The following DCC variants were observed in gnomAD, a reference collection of about 807,000 sequenced individuals.
The protein encoded by DCC is netrin receptor DCC.
Under a neutral mutation model 172.5 loss-of-function variants are expected in DCC, and 58 were observed. That is an observed-to-expected ratio of 0.34 (90% CI 0.27 to 0.42). The LOEUF is 0.42. DCC is among the 10% of genes least tolerant of loss of function. DCC has a pLI of 1.00. For synonymous variants in DCC, 709 were observed against 644.5 expected (o/e 1.10, Z -1.52); for missense variants, 1,740 against 1,791.0 (o/e 0.97, Z 0.51).
At chr18:52,442,347 C>T (rs982901905) in intron 1 of DCC, among the ~76,000 whole-genome samples, 5 of 152,178 alleles carry the variant, frequency 3.3e-5, no homozygotes, top group African/African-American at 1.2e-4. Context: ...AGACTGAGCA[C>T]TTGTGTCAAT....
At chr18:53,012,333 G>A (rs2041742313) in intron 5 of DCC, among the ~76,000 whole-genome samples, 1 of 151,902 alleles carries the variant, frequency 6.6e-6, no homozygotes, top group Non-Finnish European at 1.5e-5. Context: ...GTCAAAAATA[G>A]AATACTGAAC....
intron 2 of DCC, among the ~76,000 whole-genome samples, chr18:52,905,015 A>G (rs1204679749): frequency 6.6e-6 from 1 of 152,176 alleles, no homozygotes; most frequent in Non-Finnish European, 1.5e-5. Context: ...CCACTTGTTC[A>G]TATCAGGGGG....
At chr18:52,942,519 GT>G (rs2040480096) in intron 5 of DCC, among the ~76,000 whole-genome samples, 1 of 152,170 alleles carries the variant, frequency 6.6e-6, no homozygotes, top group East Asian at 1.9e-4. Context: ...AGAAAAAGAG[GT>G]TTAATTGGAC....
chr18:52,520,741 T>C (rs1201701061), intron 1 of DCC, among the ~76,000 whole-genome samples: 2 of 152,128 alleles, frequency 1.3e-5, no homozygotes, highest in African/African-American at 4.8e-5. Context: ...TTTTTTTTAA[T>C]TTAGAATTTC....
chr18:53,264,155 A>G (rs2056639139), intron 12 of DCC, among the ~76,000 whole-genome samples: 3 of 152,252 alleles, frequency 2.0e-5, no homozygotes, highest in African/African-American at 4.8e-5. Context: ...TCCTGTCAAC[A>G]TGAAATTATT....
intron 15 of DCC, among the ~76,000 whole-genome samples, chr18:53,354,479 ATTGTGGTT>A (rs1261825910): frequency 6.6e-6 from 1 of 151,964 alleles, no homozygotes; most frequent in Non-Finnish European, 1.5e-5. Context: ...ATGGTATCTC[ATTGTGGTT>A]TTGATTTGCA....
chr18:52,540,304 G>T (rs2032402310), intron 1 of DCC, among the ~76,000 whole-genome samples: 1 of 152,030 alleles, frequency 6.6e-6, no homozygotes, highest in African/African-American at 2.4e-5. Context: ...ATGTGCACCT[G>T]TAGTCATAGC....
chr18:53,206,179 A>AATATATATTATATAATACATATATACAT (rs55772139), intron 10 of DCC, among the ~76,000 whole-genome samples: 1 of 142,406 alleles, frequency 7.0e-6, no homozygotes, highest in Non-Finnish European at 1.5e-5. Flanking sequence ...ATACATATAT[A>AATATATATTATATAATACATATATACAT]ATACATATAC....
At chr18:52,664,470 CTTTTTCTTTTT>C (rs1336061176) in intron 1 of DCC, among the ~76,000 whole-genome samples, 1 of 99,800 alleles carries the variant, frequency 1.0e-5, no homozygotes, top group African/African-American at 4.1e-5. Flanking sequence ...TTTTCTTTTT[CTTTTTCTTTTT>C]TTTTTTTTTT....
intron 24 of DCC, among the ~76,000 whole-genome samples, chr18:53,463,701 G>C (rs944370987): frequency 1.2e-4 from 19 of 152,126 alleles, no homozygotes; most frequent in African/African-American, 4.6e-4. Flanking sequence ...CCAGATTTCA[G>C]AGCTAGTATC....
intron 5 of DCC, among the ~76,000 whole-genome samples, chr18:53,007,052 A>G (rs1257923236): frequency 1.3e-5 from 2 of 152,228 alleles, no homozygotes; most frequent in Non-Finnish European, 2.9e-5. Flanking sequence ...ATGAAGATTT[A>G]AAAAACAAAT....
At chr18:53,297,208 C>G (rs1488583013) in intron 12 of DCC, among the ~76,000 whole-genome samples, 1 of 152,112 alleles carries the variant, frequency 6.6e-6, no homozygotes, top group Non-Finnish European at 1.5e-5. Flanking sequence ...TTTAATGGAT[C>G]CCAGGAAAAG....
At chr18:53,200,831 G>A (rs888746288) in intron 9 of DCC, among the ~76,000 whole-genome samples, 21 of 152,026 alleles carry the variant, frequency 1.4e-4, no homozygotes, top group African/African-American at 4.8e-4. Flanking sequence ...AGCTCTCTCA[G>A]ATTGCTCTTC....
chr18:53,092,068 G>A (rs1447933904), intron 7 of DCC, among the ~76,000 whole-genome samples: 1 of 152,034 alleles, frequency 6.6e-6, no homozygotes, highest in Non-Finnish European at 1.5e-5. Context: ...CAATACAGTA[G>A]TAGAATGCTA....
intron 1 of DCC, among the ~76,000 whole-genome samples, chr18:52,556,612 C>T (rs539140043): frequency 6.6e-5 from 10 of 152,160 alleles, no homozygotes; most frequent in African/African-American, 2.4e-4. Flanking sequence ...AAATCTCACC[C>T]CTGGATGGAA....
rs190078896 is a variant in DCC at position 52,865,535 on chromosome 18, A to C, written c.413-40509A>C. 2.2e-3 allele frequency among the ~76,000 whole-genome samples: 333 copies of C among 151,922 alleles called. 2 individuals carry two copies. The highest frequency in any genetic ancestry group is 7.7e-3 in the African/African-American group (317 of 41,406). On this transcript the variant is annotated intron_variant, in intron 2 of 28. Coordinates refer to ENST00000442544, the MANE Select transcript of DCC (RefSeq NM_005215.4). ...TGACTTTTTAATGATCGCCATTCTAACTGGCATGAGATGGTATCTCATTGT... is the reference window on the plus strand; with the variant it reads ...TGACTTTTTAATGATCGCCATTCTACCTGGCATGAGATGGTATCTCATTGT...
At chr18:53,092,483 T>C (rs545721884) in intron 7 of DCC, among the ~76,000 whole-genome samples, 2 of 152,306 alleles carry the variant, frequency 1.3e-5, no homozygotes, top group East Asian at 1.9e-4. Context: ...TATTAAAGCA[T>C]ATAAAATATA....
chr18:52,784,843 G>A (rs1214834656), intron 2 of DCC, among the ~76,000 whole-genome samples: 1 of 150,852 alleles, frequency 6.6e-6, no homozygotes, highest in African/African-American at 2.4e-5. Flanking sequence ...CATGTGAGTG[G>A]GTTAAGAAGT....
intron 2 of DCC, among the ~76,000 whole-genome samples, chr18:52,801,583 C>G (rs1162137177): frequency 6.6e-6 from 1 of 152,174 alleles, no homozygotes; most frequent in African/African-American, 2.4e-5. Flanking sequence ...ATGTTTCTAT[C>G]CATACAACCA....
Sources: allele counts gnomAD v4.1 joint callset (sites outside exome capture counted in the v4.1 genomes callset), GRCh38; gene constraint gnomAD v4.1.1; transcripts MANE v1.5; gene names NCBI Gene and HGNC (gene_info 2026-07-23, HGNC 2026-07-21).